Variants in RPS6KC1 observed in about 807,000 individuals in gnomAD.
RPS6KC1 encodes ribosomal protein S6 kinase C1, also known as inactive ribosomal protein S6 kinase delta-1.
RPS6KC1 carries 54 observed loss-of-function variants against 103.8 expected under a neutral mutation model. The observed-to-expected ratio is 0.52, with a 90% CI of 0.42 to 0.65. The LOEUF is 0.65. RPS6KC1 is among the 30% of genes least tolerant of loss of function. The probability of loss-of-function intolerance (pLI) is 0.00; values close to 1 mark genes in which losing one functional copy is unlikely to be tolerated. For missense variants in RPS6KC1, 1,151 were observed against 1,253.8 expected (o/e 0.92, Z 1.24); for synonymous variants, 439 against 438.7 (o/e 1.00, Z -0.01).
At chr1:213,389,166 A>G in the RPS6KC1 span, among the ~76,000 whole-genome samples, 1 of 152,030 alleles carries the variant, frequency 6.6e-6, no homozygotes, top group Admixed American at 6.5e-5. Flanking sequence ...CAAGAAAACA[A>G]GGAGTAGCTG....
the RPS6KC1 span, among the ~76,000 whole-genome samples, chr1:213,617,747 G>C: frequency 2.6e-5 from 4 of 152,178 alleles, no homozygotes; most frequent in Non-Finnish European, 4.4e-5. Context: ...TTGAGTGGCT[G>C]TTGATTAGTG....
the RPS6KC1 span, among the ~76,000 whole-genome samples, chr1:213,533,870 C>T: frequency 1.3e-5 from 2 of 152,178 alleles, no homozygotes; most frequent in Non-Finnish European, 2.9e-5. Context: ...CCATTTGTCC[C>T]AGGGGAAGCT....
chr1:213,725,543 C>G, the RPS6KC1 span, among the ~76,000 whole-genome samples: 1 of 152,228 alleles, frequency 6.6e-6, no homozygotes, highest in Non-Finnish European at 1.5e-5. Flanking sequence ...TCTTGCCTTC[C>G]TGCTGTGGGT....
chr1:213,834,085 C>T, the RPS6KC1 span, among the ~76,000 whole-genome samples: 1 of 152,150 alleles, frequency 6.6e-6, no homozygotes, highest in Non-Finnish European at 1.5e-5. Context: ...ATTTCCTAGG[C>T]TGGAGTGCAG....
At chr1:213,435,038 G>A in the RPS6KC1 span, among the ~76,000 whole-genome samples, 1 of 151,966 alleles carries the variant, frequency 6.6e-6, no homozygotes, top group African/African-American at 2.4e-5. Flanking sequence ...TGCTTAGAGT[G>A]GTCCCACAGC....
chr1:213,318,480 G>A, the RPS6KC1 span, among the ~76,000 whole-genome samples: 1 of 152,166 alleles, frequency 6.6e-6, no homozygotes, highest in Non-Finnish European at 1.5e-5. Context: ...CCTTATTTTG[G>A]GGGATTATTA....
At chr1:213,420,578 T>A in the RPS6KC1 span, among the ~76,000 whole-genome samples, 1,092 of 152,018 alleles carry the variant, frequency 7.2e-3, 4 homozygotes, top group Non-Finnish European at 0.013. Context: ...TAGGAGTGGG[T>A]GTGGCAGGAG....
chr1:213,635,565 A>G, the RPS6KC1 span, among the ~76,000 whole-genome samples: 589 of 152,340 alleles, frequency 3.9e-3, 4 homozygotes, highest in African/African-American at 0.013. Flanking sequence ...TCAAAATTCA[A>G]CAGCCCTTCA....
In RPS6KC1 at chr1:213,101,063, C is replaced by G. The variant is rs575524974; in HGVS notation, c.263-3391C>G. On this transcript the variant is annotated intron_variant, in intron 3 of 14. Coordinates refer to ENST00000366960, the MANE Select transcript of RPS6KC1 (RefSeq NM_012424.6). ...TCCCACCAACAGTTTATAAGCATTC[C>G]CTATTCTGTGCAACCTCGCCAGCAT... Among the ~76,000 whole-genome samples the G allele has an allele frequency of 3.9e-5, 6 of 152,244 alleles. No homozygotes were observed. In the South Asian group the frequency reaches 1.0e-3, roughly 26 times the overall value.
At chr1:213,841,380 T>C in the RPS6KC1 span, 40 of 152,312 alleles carry the variant, frequency 2.6e-4, 1 homozygote, top group Admixed American at 2.4e-3. Context: ...CCAGCTCTGA[T>C]TGCAACATCT....
At chr1:213,498,164 A>T in the RPS6KC1 span, among the ~76,000 whole-genome samples, 1,722 of 152,292 alleles carry the variant, frequency 0.011, 28 homozygotes, top group African/African-American at 0.04. Context: ...TCTGACAAAG[A>T]TAACAACCAA....
the RPS6KC1 span, among the ~76,000 whole-genome samples, chr1:213,287,177 A>G: frequency 6.6e-6 from 1 of 151,790 alleles, no homozygotes; most frequent in Non-Finnish European, 1.5e-5. Context: ...GCATTGGGGG[A>G]AGGAAGATTA....
chr1:213,222,429 T>G (rs2093857549), intron 8 of RPS6KC1, among the ~76,000 whole-genome samples: 1 of 152,176 alleles, frequency 6.6e-6, no homozygotes, highest in Non-Finnish European at 1.5e-5. Context: ...AAGGACAGAT[T>G]GGTTTCATGG....
chr1:213,075,336 G>A (rs750530137), intron 2 of RPS6KC1, among the ~76,000 whole-genome samples: 3 of 151,988 alleles, frequency 2.0e-5, no homozygotes, highest in South Asian at 2.1e-4. Context: ...TGGCAATGTC[G>A]TATGATTGTA....
the RPS6KC1 span, among the ~76,000 whole-genome samples, chr1:213,796,341 C>T: frequency 6.6e-6 from 1 of 152,152 alleles, no homozygotes; most frequent in African/African-American, 2.4e-5. Flanking sequence ...TATCTTGCTT[C>T]CCTGTCACTC....
intron 8 of RPS6KC1, among the ~76,000 whole-genome samples, chr1:213,196,388 T>C (rs1298659495): frequency 6.6e-6 from 1 of 152,242 alleles, no homozygotes; most frequent in African/African-American, 2.4e-5. Flanking sequence ...ATTAGTCCTT[T>C]GTGGGTTGCA....
chr1:213,128,362 T>G (rs769109701), intron 5 of RPS6KC1, among the ~76,000 whole-genome samples: 5 of 152,234 alleles, frequency 3.3e-5, no homozygotes, highest in Non-Finnish European at 7.3e-5. Context: ...AATGCTTTAT[T>G]TTATACATTT....
intron 8 of RPS6KC1, among the ~76,000 whole-genome samples, chr1:213,185,581 G>A (rs1259773340): frequency 1.3e-5 from 2 of 152,154 alleles, no homozygotes; most frequent in South Asian, 2.1e-4. Flanking sequence ...CCAGGAGGCA[G>A]AGGTTGTAGT....
At chr1:213,781,144 G>A in the RPS6KC1 span, among the ~76,000 whole-genome samples, 2 of 152,220 alleles carry the variant, frequency 1.3e-5, no homozygotes, top group Non-Finnish European at 2.9e-5. Context: ...GCAAGATGAA[G>A]CGCTAACTGT....
Sources: allele counts gnomAD v4.1 joint callset (sites outside exome capture counted in the v4.1 genomes callset), GRCh38; gene constraint gnomAD v4.1.1; transcripts MANE v1.5; gene names NCBI Gene and HGNC (gene_info 2026-07-23, HGNC 2026-07-21).